CORO1B: variants seen among roughly 807,000 people sequenced by gnomAD.
CORO1B encodes the protein coronin 1B, also known as coronin-1B.
A neutral mutation model predicts 51.1 loss-of-function variants in CORO1B; 30 were observed. That is an observed-to-expected ratio of 0.59 (90% CI 0.44 to 0.80). The LOEUF (loss-of-function observed/expected upper bound fraction) is 0.80. CORO1B is among the 30% of genes least tolerant of loss of function. The pLI is 0.00. For synonymous variants in CORO1B, 310 were observed against 289.7 expected (o/e 1.07, Z -0.71); for missense variants, 648 against 700.4 (o/e 0.93, Z 0.84).
chr11:67,443,769 C>T (rs1418360721), upstream of CORO1B: 21 of 985,326 alleles, frequency 2.1e-5, no homozygotes, highest in Non-Finnish European at 2.5e-5. Context: ...CCCGAGGCCC[C>T]TTCGCGTTCT....
rs1281517246 is a variant in CORO1B, at chr11:67,436,108, G to A, written c.*2268C>T. 4 of 1,604,860 alleles carry A rather than the reference G, an allele frequency of 2.5e-6. No individual in the cohort carries two copies. The highest frequency in any genetic ancestry group is 3.4e-6 in the Non-Finnish European group (4 of 1,175,786). On this transcript the variant is annotated 3_prime_UTR_variant, in exon 11 of 11. Transcript: ENST00000341356. Reference sequence around the variant, plus strand: ...GCCAGCGACCTGGGGGGCTGGCCCAGAGCAGGCGCCGCGTGCGGCCCCACA... The same window carrying A: ...GCCAGCGACCTGGGGGGCTGGCCCAAAGCAGGCGCCGCGTGCGGCCCCACA...
At chr11:67,439,935 C>A (rs1278951067) in intron 8 of CORO1B, 92 bp from the exon 9 acceptor site, 2 of 1,441,442 alleles carry the variant, frequency 1.4e-6, no homozygotes, top group Non-Finnish European at 1.9e-6. Flanking sequence ...CCAGTCCTCA[C>A]CCCAGGACCT....
At chr11:67,439,883 G>GCC (rs759083840) in intron 8 of CORO1B, 40 bp from the exon 9 acceptor site, 2 of 1,509,470 alleles carry the variant, frequency 1.3e-6, no homozygotes, top group Non-Finnish European at 8.9e-7. Flanking sequence ...AACCCTCACC[G>GCC]CCCCCCCCAC....
At position 67,436,409 on chromosome 11, in the gene CORO1B, G is replaced by T. The variant is rs1864281177; in HGVS notation, c.*1967C>A. ...GCACCTGGGGTGGGGCCTGGTGTGG[G>T]GCAGGCTGGGTGACCAAGACCACTT... On this transcript the variant is annotated 3_prime_UTR_variant, in exon 11 of 11. Coordinates refer to ENST00000341356, the MANE Select transcript of CORO1B (RefSeq NM_020441.3). 7.0e-7 allele frequency: 1 copy of T among 1,419,642 alleles called. No individual in the cohort carries two copies. The highest frequency in any genetic ancestry group is 9.2e-7 in the Non-Finnish European group (1 of 1,090,946). 87.9% of individuals were successfully genotyped at this position (1,419,642 alleles called of 1,614,324 possible).
In CORO1B at chr11:67,440,199, G is replaced by A. The variant is rs761935715; in HGVS notation, c.926C>T (p.Thr309Met). 10 of 1,613,796 alleles carry A rather than the reference G, an allele frequency of 6.2e-6. No homozygotes were observed. The East Asian group carries it at 1.6e-4, about 25-fold the overall frequency. Residue 309 changes from threonine to methionine, a missense_variant, in exon 8 of 11, where the codon ACG (threonine) becomes ATG (methionine). Physicochemically the swap from Thr to Met is moderately conservative, Grantham distance 81. Transcript: ENST00000341356. ...EEPPYIHFLN[T>M]FTSKEPQRGM... ...CCGCTGCGGCTCCTTGCTGGTGAAC[G>A]TGTTCAGGAAGTGGATGTAGGGAGG...
In CORO1B at chr11:67,437,713, G is replaced by T; in HGVS notation, c.*663C>A. 2 of 1,296,278 alleles carry T rather than the reference G, an allele frequency of 1.5e-6. No individual in the cohort carries two copies. Among genetic ancestry groups the T allele is most frequent in the Non-Finnish European group, 9.9e-7 (1 of 1,005,028 alleles). 80.3% of individuals were successfully genotyped at this position (1,296,278 alleles called of 1,614,324 possible). A position where few individuals can be genotyped will look rare whatever the true frequency, so the allele number is the denominator to read the frequency against. The stretch of plus-strand genomic sequence containing the variant: ...CAGTGCTCGTCTGCAGTGAAGGGTG[G>T]CCCAGGCTTCCGCTTCCTGCCCACA... On this transcript the variant is annotated 3_prime_UTR_variant, in exon 11 of 11. Transcript: ENST00000341356.
intron 1 of CORO1B, among the ~76,000 whole-genome samples, chr11:67,443,082 C>T (rs752746992): frequency 1.8e-4 from 28 of 152,296 alleles, no homozygotes; most frequent in South Asian, 1.2e-3. Flanking sequence ...CGAGTGAGTG[C>T]CCAGTTCTGA....
chr11:67,439,492 T>C (rs1191550937), intron 9 of CORO1B, among the ~76,000 whole-genome samples: 1 of 152,224 alleles, frequency 6.6e-6, no homozygotes, highest in Non-Finnish European at 1.5e-5. Flanking sequence ...TTATGGGTCC[T>C]GCCTCCTTCA....
chr11:67,443,761 C>G, upstream of CORO1B: 5 of 985,268 alleles, frequency 5.1e-6, no homozygotes, highest in South Asian at 4.7e-5. Context: ...ACAGCGGACC[C>G]GAGGCCCCTT....
chr11:67,435,693 G>A lies in CORO1B; in HGVS notation c.*2683C>T, dbSNP rs759256477. 4.0e-6 allele frequency: 6 copies of A among 1,497,524 alleles called. No homozygotes were observed. In the South Asian group the frequency reaches 6.7e-5, roughly 17 times the overall value. The allele number at this position is 1,497,524 out of a possible 1,614,324, so 92.8% of individuals were successfully genotyped here. A position where few individuals can be genotyped will look rare whatever the true frequency, so the allele number is the denominator to read the frequency against. ...ATCTTGGGAAGCAGAGGCACGGGGA[G>A]TGAGCGGCTGTGACAGGGATGGGAC... On this transcript the variant is annotated 3_prime_UTR_variant, in exon 11 of 11. Coordinates refer to ENST00000341356, the MANE Select transcript of CORO1B (RefSeq NM_020441.3).
At chr11:67,439,936 C>G in intron 8 of CORO1B, 93 bp from the exon 9 acceptor site, 1 of 1,451,088 alleles carries the variant, frequency 6.9e-7, no homozygotes, top group Non-Finnish European at 9.3e-7. Context: ...CAGTCCTCAC[C>G]CCAGGACCTC....
Position 67,437,951 on chromosome 11 carries a change from G to A in CORO1B, c.*425C>T, listed in dbSNP as rs1162330012. The A allele has an allele frequency of 8.2e-6, 3 of 365,558 alleles. No individual in the cohort carries two copies. The highest frequency in any genetic ancestry group is 1.5e-5 in the Non-Finnish European group (3 of 204,920). 22.6% of individuals were successfully genotyped at this position (365,558 alleles called of 1,614,324 possible). A position where few individuals can be genotyped will look rare whatever the true frequency, so the allele number is the denominator to read the frequency against. ...AGCAATGCCTGTGGGGCTGCTCACT[G>A]CCCCCAGACCTTCTGCACATGTGTG... On this transcript the variant is annotated 3_prime_UTR_variant, in exon 11 of 11. Coordinates refer to ENST00000341356, the MANE Select transcript of CORO1B (RefSeq NM_020441.3).
intron 8 of CORO1B, 40 bp from the exon 9 acceptor site, chr11:67,439,883 G>GCCCCCCCCC: frequency 6.0e-6 from 9 of 1,509,216 alleles, no homozygotes; most frequent in African/African-American, 1.4e-5. Flanking sequence ...AACCCTCACC[G>GCCCCCCCCC]CCCCCCCCAC....
chr11:67,438,684 A>G lies in CORO1B; in HGVS notation c.1331T>C (p.Leu444Pro), dbSNP rs754737752. The G allele has an allele frequency of 3.1e-5, 48 of 1,542,112 alleles. 1 individual carries two copies. The South Asian group carries it at 5.6e-4, about 18-fold the overall frequency. The stretch of plus-strand genomic sequence containing the variant: ...GCGCGTGCATACCCCGGCTCTGGCC[A>G]GGCTGCCGCTGGGGGTGGCATCAGC... ...TAADATPSGS[L>P]ARAGEAGKLE... Residue 444 changes from leucine to proline, a missense_variant, in exon 10 of 11, where the codon CTG (leucine) becomes CCG (proline). Physicochemically the swap from Leu to Pro is moderately conservative, Grantham distance 98. Coordinates refer to ENST00000341356, the MANE Select transcript of CORO1B (RefSeq NM_020441.3).
In CORO1B at chr11:67,438,478, C is replaced by T. The variant is rs144165811; in HGVS notation, c.1368G>A (p.Val456=). Residue 456 remains valine, a synonymous_variant, in exon 11 of 11, where the codon GTG becomes GTA. Coordinates refer to ENST00000341356, the MANE Select transcript of CORO1B (RefSeq NM_020441.3). ...RAGEAGKLEE[V]MQELRALRAL... ...CCCTCAGGGCCCGCAGCTCCTGCAT[C>T]ACCTCCTCCAGCTTCCCAGCCTCCT... 2.9e-5 allele frequency: 47 copies of T among 1,609,702 alleles called. No homozygotes were observed. The African/African-American group carries it at 4.5e-4, about 16-fold the overall frequency.
At chr11:67,440,829 G>A (rs961607195) in intron 6 of CORO1B, 17 of 658,352 alleles carry the variant, frequency 2.6e-5, no homozygotes, top group South Asian at 1.8e-4. Flanking sequence ...CTGGAGGAGC[G>A]GGGAGCCCTG....
chr11:67,437,967 C>A lies in CORO1B; in HGVS notation c.*409G>T. 2.8e-6 allele frequency: 1 copy of A among 362,392 alleles called. No homozygotes were observed. 22.4% of individuals were successfully genotyped at this position (362,392 alleles called of 1,614,324 possible). A position where few individuals can be genotyped will look rare whatever the true frequency, so the allele number is the denominator to read the frequency against. Reference sequence around the variant, plus strand: ...CTGCTCACTGCCCCCAGACCTTCTGCACATGTGTGACTCCTGTGACATCCT... The same window carrying A: ...CTGCTCACTGCCCCCAGACCTTCTGAACATGTGTGACTCCTGTGACATCCT... On this transcript the variant is annotated 3_prime_UTR_variant, in exon 11 of 11. Coordinates refer to ENST00000341356, the MANE Select transcript of CORO1B (RefSeq NM_020441.3).
Position 67,442,617 on chromosome 11 carries a change from G to C in CORO1B, c.12C>G (p.Arg4=). 1 of 1,613,614 alleles carries C rather than the reference G, an allele frequency of 6.2e-7. No homozygotes were observed. Among genetic ancestry groups the C allele is most frequent in the Non-Finnish European group, 8.5e-7 (1 of 1,179,996 alleles). Residue 4 remains arginine, a synonymous_variant, in exon 2 of 11, where the codon CGC becomes CGG. Transcript: ENST00000341356. MSF[R]KVVRQSKFRH... ...GGAATTTGCTCTGCCGGACCACTTT[G>C]CGGAAGGACATGTCTGCGGGACAGA... is the stretch of plus-strand genomic sequence containing the variant.
At chr11:67,441,591 G>A (rs570272378) in intron 4 of CORO1B, 77 bp from the exon 5 acceptor site, 4 of 1,561,160 alleles carry the variant, frequency 2.6e-6, no homozygotes, top group African/African-American at 2.7e-5. Flanking sequence ...GGCCCACTCT[G>A]CCCACCACCC....
Sources: gnomAD v4.1 joint callset for allele counts (sites outside exome capture counted in the v4.1 genomes callset) on GRCh38, gnomAD v4.1.1 for gene constraint, MANE v1.5 for transcripts, NCBI Gene and HGNC (gene_info 2026-07-23, HGNC 2026-07-21) for gene names.